Variants in FREM2 observed in about 807,000 individuals in gnomAD.
FREM2 encodes FRAS1-related extracellular matrix protein 2.
Under a neutral mutation model 219.9 loss-of-function variants are expected in FREM2, and 119 were observed. The observed-to-expected ratio is 0.54, with a 90% confidence interval of 0.47 to 0.63. The LOEUF (loss-of-function observed/expected upper bound fraction) is 0.63, where lower values mean the gene tolerates loss of function less well. Among genes scored for constraint, FREM2 ranks in the 30% least tolerant of loss-of-function variants. The pLI is 0.00. For synonymous variants in FREM2, 1,562 were observed against 1,522.8 expected, an observed-to-expected ratio of 1.03 and a Z score of -0.60; for missense variants, 4,030 against 3,993.6, an observed-to-expected ratio of 1.01 and a Z score of -0.25.
At chr13:38,790,154 A>T (rs1874500535) in intron 6 of FREM2, among the ~76,000 whole-genome samples, 1 of 152,120 alleles carries the variant, frequency 6.6e-6, no homozygotes, top group Non-Finnish European at 1.5e-5. Flanking sequence ...CTATTGAGAC[A>T]TTTTTTCCCC....
At chr13:38,730,064 T>C (rs1214724461) in intron 2 of FREM2, among the ~76,000 whole-genome samples, 1 of 152,220 alleles carries the variant, frequency 6.6e-6, no homozygotes, top group Admixed American at 6.5e-5. Context: ...GAACCCATGA[T>C]GGTCAATAAT....
At chr13:38,743,019 C>T (rs1224500889) in intron 2 of FREM2, among the ~76,000 whole-genome samples, 1 of 152,136 alleles carries the variant, frequency 6.6e-6, no homozygotes, top group African/African-American at 2.4e-5. Flanking sequence ...GCAAACTTTT[C>T]TATATGGATC....
intron 16 of FREM2, among the ~76,000 whole-genome samples, chr13:38,866,409 A>G (rs1450684626): frequency 2.6e-5 from 4 of 152,094 alleles, no homozygotes; most frequent in Non-Finnish European, 5.9e-5. Context: ...GAGGCAGGAG[A>G]ATCACTTGAA....
At chr13:38,879,070 C>T (rs1190860538) in intron 23 of FREM2, 93 bp downstream of exon 23, 7 of 1,137,692 alleles carry the variant, frequency 6.2e-6, no homozygotes, top group Non-Finnish European at 9.4e-6. Context: ...ATGTAAATAG[C>T]AGTAATAGTA....
At chr13:38,742,790 G>A (rs1872302273) in intron 2 of FREM2, among the ~76,000 whole-genome samples, 1 of 152,124 alleles carries the variant, frequency 6.6e-6, no homozygotes, top group South Asian at 2.1e-4. Flanking sequence ...TGAATTTTGA[G>A]ACTTAAATTA....
At chr13:38,877,052 GAACAGT>G (rs2137938833) in intron 20 of FREM2, 59 bp from the exon 21 acceptor site, 1 of 1,575,782 alleles carries the variant, frequency 6.3e-7, no homozygotes, top group South Asian at 1.1e-5. Flanking sequence ...ATGTATCTGT[GAACAGT>G]ATGTTTGTGC....
intron 6 of FREM2, among the ~76,000 whole-genome samples, chr13:38,831,277 C>A (rs1177257776): frequency 2.6e-5 from 4 of 152,164 alleles, no homozygotes; most frequent in African/African-American, 9.7e-5. Context: ...TCTTCACATG[C>A]TACTGGATGT....
intron 15 of FREM2, 43 bp downstream of exon 15, chr13:38,861,605 T>C: frequency 6.2e-7 from 1 of 1,604,524 alleles, no homozygotes; most frequent in Non-Finnish European, 8.5e-7. Flanking sequence ...TGTTTTGGAC[T>C]CCTCATTACC....
At chr13:38,846,748 T>C (rs545625513) in intron 7 of FREM2, 26 bp downstream of exon 7, 1 of 1,612,990 alleles carries the variant, frequency 6.2e-7, no homozygotes, top group African/African-American at 1.3e-5. Context: ...CTCGGCTCTT[T>C]TGATTGTTCT....
intron 2 of FREM2, among the ~76,000 whole-genome samples, chr13:38,750,891 G>A (rs2496392): frequency 0.061 from 9,290 of 152,086 alleles, 452 homozygotes; most frequent in East Asian, 0.15. Context: ...ATGGGATTTT[G>A]CCATATTGGC....
intron 2 of FREM2, among the ~76,000 whole-genome samples, chr13:38,749,185 G>T (rs770350706): frequency 1.3e-5 from 2 of 152,104 alleles, no homozygotes; most frequent in Non-Finnish European, 2.9e-5. Flanking sequence ...CATGCATACA[G>T]TATCAAACTT....
Position 38,688,476 on chromosome 13 carries a change from C to T in FREM2, c.1132C>T (p.Leu378=), listed in dbSNP as rs781076510. The T allele has an allele frequency of 8.7e-6, 14 of 1,614,082 alleles. No homozygotes were observed. The South Asian group carries it at 1.5e-4, about 18-fold the overall frequency. ...CTTGGTGAGCACCGATGATCGCAGC[C>T]TGCCCCTTTCCTCCTTCACTCAGAG... The part of the protein sequence containing the change: ...GYLVSTDDRS[L]PLSSFTQRDL... Residue 378 remains leucine (L), a synonymous_variant, in exon 1 of 24, where the codon CTG becomes TTG. Coordinates refer to ENST00000280481, the MANE Select transcript of FREM2 (RefSeq NM_207361.6).
At chr13:38,806,935 T>C (rs900118112) in intron 6 of FREM2, among the ~76,000 whole-genome samples, 15 of 151,540 alleles carry the variant, frequency 9.9e-5, no homozygotes, top group African/African-American at 3.6e-4. Flanking sequence ...AGATTCCATC[T>C]CAAGAAACCA....
intron 17 of FREM2, among the ~76,000 whole-genome samples, chr13:38,874,160 T>C (rs980475619): frequency 1.3e-5 from 2 of 152,206 alleles, no homozygotes; most frequent in Admixed American, 1.3e-4. Flanking sequence ...TCTCCATCAT[T>C]TTGACAATTT....
At chr13:38,762,738 A>G (rs1480903025) in intron 2 of FREM2, among the ~76,000 whole-genome samples, 2 of 152,122 alleles carry the variant, frequency 1.3e-5, no homozygotes, top group African/African-American at 2.4e-5. Flanking sequence ...CCCGGCCCCA[A>G]TCTATTTATA....
In FREM2 at chr13:38,687,137, TG is replaced by T; in HGVS notation, c.-205del. 1 of 644,002 alleles carries T rather than the reference TG, an allele frequency of 1.6e-6. No homozygotes were observed. Among genetic ancestry groups the T allele is most frequent in the Non-Finnish European group, 2.7e-6 (1 of 374,358 alleles). The allele number at this position is 644,002 out of a possible 1,614,324, so 39.9% of individuals were successfully genotyped here. A position where few individuals can be genotyped will look rare whatever the true frequency, so the allele number is the denominator to read the frequency against. On this transcript the variant is annotated 5_prime_UTR_variant, in exon 1 of 24. Coordinates refer to ENST00000280481, the MANE Select transcript of FREM2 (RefSeq NM_207361.6). ...GCGCTAGCGGCGGAGCTGGACGGCC[TG>T]GGAAGGCTTCGGCTCCTCGGCTGCG...
intron 6 of FREM2, among the ~76,000 whole-genome samples, chr13:38,834,586 A>G (rs1245070454): frequency 2.0e-5 from 3 of 152,086 alleles, no homozygotes; most frequent in East Asian, 3.9e-4. Context: ...AAGCATTCCT[A>G]TTTCTCCACA....
intron 2 of FREM2, among the ~76,000 whole-genome samples, chr13:38,742,614 T>C (rs1326977328): frequency 6.6e-6 from 1 of 152,242 alleles, no homozygotes; most frequent in Non-Finnish European, 1.5e-5. Context: ...TTGCCCTGTT[T>C]CCTGTTTTCT....
chr13:38,797,106 G>A (rs966357662), intron 6 of FREM2, among the ~76,000 whole-genome samples: 2 of 146,786 alleles, frequency 1.4e-5, no homozygotes, highest in African/African-American at 5.0e-5. Context: ...TAGAACTCCT[G>A]ACTCAAGCAA....
Sources: allele counts gnomAD v4.1 joint callset (sites outside exome capture counted in the v4.1 genomes callset), GRCh38; gene constraint gnomAD v4.1.1; transcripts MANE v1.5; gene names NCBI Gene and HGNC (gene_info 2026-07-23, HGNC 2026-07-21).